Variants in LRRC37A2 observed in about 807,000 individuals in gnomAD.
The protein encoded by LRRC37A2 is leucine-rich repeat-containing protein 37A2.
Under a neutral mutation model 68.8 loss-of-function variants are expected in LRRC37A2, and 9 were observed. The observed-to-expected ratio is 0.13, with a 90% CI of 0.08 to 0.23. LRRC37A2 has a LOEUF of 0.23. Ranked by LOEUF, LRRC37A2 falls within the 10% of genes least tolerant of loss-of-function variation. LRRC37A2 has a pLI of 1.00. For synonymous variants in LRRC37A2, 63 were observed against 367.6 expected, an observed-to-expected ratio of 0.17 and a Z score of 9.48; for missense variants, 168 against 950.4, an observed-to-expected ratio of 0.18 and a Z score of 10.82.
the LRRC37A2 span, among the ~76,000 whole-genome samples, chr17:47,021,186 T>G: frequency 6.6e-6 from 1 of 152,178 alleles, no homozygotes; most frequent in South Asian, 2.1e-4. Context: ...AGCAAGAGAT[T>G]ACATGATCAA....
At chr17:46,991,724 C>T in the LRRC37A2 span, among the ~76,000 whole-genome samples, 1 of 152,250 alleles carries the variant, frequency 6.6e-6, no homozygotes, top group African/African-American at 2.4e-5. Flanking sequence ...AGATGTACTA[C>T]ACAATGTTTA....
the LRRC37A2 span, among the ~76,000 whole-genome samples, chr17:46,914,256 G>A: frequency 6.6e-6 from 1 of 152,148 alleles, no homozygotes; most frequent in Non-Finnish European, 1.5e-5. Context: ...TAGCGGGGCG[G>A]CCAGGAGGAA....
chr17:46,531,812 AT>A (rs2053670840), intron 6 of LRRC37A2, among the ~76,000 whole-genome samples: 2 of 105,260 alleles, frequency 1.9e-5, no homozygotes, highest in Non-Finnish European at 3.5e-5. Flanking sequence ...GTAATACTTC[AT>A]TAAATTCAAA....
the LRRC37A2 span, among the ~76,000 whole-genome samples, chr17:46,690,624 A>AAAAAAT: frequency 5.7e-4 from 63 of 110,914 alleles, no homozygotes; most frequent in South Asian, 1.4e-3. Flanking sequence ...AAAAAAAAAA[A>AAAAAAT]ATATATATAT....
chr17:47,022,690 G>A, the LRRC37A2 span, among the ~76,000 whole-genome samples: 35 of 152,254 alleles, frequency 2.3e-4, no homozygotes, highest in South Asian at 3.5e-3. Context: ...ATCTTACAAC[G>A]TGATTCTTTC....
At chr17:46,866,397 TGA>T in the LRRC37A2 span, among the ~76,000 whole-genome samples, 19 of 151,908 alleles carry the variant, frequency 1.3e-4, no homozygotes, top group South Asian at 3.7e-3. Context: ...TGTGTATGTG[TGA>T]GAGTGTGCAT....
At chr17:46,898,517 C>T in the LRRC37A2 span, among the ~76,000 whole-genome samples, 1 of 152,168 alleles carries the variant, frequency 6.6e-6, no homozygotes, top group Admixed American at 6.5e-5. Flanking sequence ...TGGACTGACA[C>T]TGTATGTGAG....
chr17:46,830,589 C>G, the LRRC37A2 span: 77 of 398,472 alleles, frequency 1.9e-4, no homozygotes, highest in Non-Finnish European at 3.0e-4. Flanking sequence ...CATGGCATAA[C>G]CAAAATATTT....
At chr17:46,888,607 G>C in the LRRC37A2 span, among the ~76,000 whole-genome samples, 3 of 152,108 alleles carry the variant, frequency 2.0e-5, no homozygotes, top group Admixed American at 1.3e-4. Flanking sequence ...GCCCACTAAG[G>C]GGGGTTCTTG....
At chr17:46,938,795 C>T in the LRRC37A2 span, 11 of 1,613,094 alleles carry the variant, frequency 6.8e-6, no homozygotes, top group South Asian at 2.2e-5. Context: ...AGCATTCCCA[C>T]AGCCTGCAAG....
chr17:46,528,064 C>T (rs1271584247), intron 6 of LRRC37A2, among the ~76,000 whole-genome samples: 24 of 120,422 alleles, frequency 2.0e-4, no homozygotes, highest in African/African-American at 7.3e-4. Context: ...ACCTGTAGAG[C>T]AGTGAGCTCC....
the LRRC37A2 span, among the ~76,000 whole-genome samples, chr17:46,864,668 T>A: frequency 6.6e-6 from 1 of 152,024 alleles, no homozygotes; most frequent in Admixed American, 6.5e-5. Context: ...CTTGCTGTGG[T>A]GATGGCTGAT....
At chr17:46,951,518 T>A in the LRRC37A2 span, among the ~76,000 whole-genome samples, 3 of 152,200 alleles carry the variant, frequency 2.0e-5, no homozygotes, top group African/African-American at 7.2e-5. Context: ...GCCTTTTAAC[T>A]GGCGTAGCCC....
At chr17:46,836,697 C>T in the LRRC37A2 span, among the ~76,000 whole-genome samples, 11 of 152,276 alleles carry the variant, frequency 7.2e-5, no homozygotes, top group African/African-American at 2.2e-4. Context: ...AGTGACTGGC[C>T]TTCCTGGCAA....
At chr17:46,965,796 T>C in the LRRC37A2 span, among the ~76,000 whole-genome samples, 1 of 147,444 alleles carries the variant, frequency 6.8e-6, no homozygotes, top group South Asian at 2.2e-4. Context: ...CTAATTTTTG[T>C]ATTTTTTTTT....
chr17:46,884,462 TC>T, the LRRC37A2 span, among the ~76,000 whole-genome samples: 3,896 of 152,220 alleles, frequency 0.026, 82 homozygotes, highest in African/African-American at 0.055. Context: ...TTCTCATGTT[TC>T]CCCAAGTGCT....
At chr17:46,910,885 G>A in the LRRC37A2 span, among the ~76,000 whole-genome samples, 3 of 152,202 alleles carry the variant, frequency 2.0e-5, no homozygotes, top group African/African-American at 7.2e-5. Flanking sequence ...CTCCAACTTT[G>A]GGAGGTAGAG....
chr17:47,040,231 C>T, the LRRC37A2 span, among the ~76,000 whole-genome samples: 1 of 148,850 alleles, frequency 6.7e-6, no homozygotes, highest in Non-Finnish European at 1.5e-5. Flanking sequence ...GAGGCTGAGG[C>T]CAGGAGTTCA....
At chr17:46,911,831 C>T in the LRRC37A2 span, among the ~76,000 whole-genome samples, 5 of 152,194 alleles carry the variant, frequency 3.3e-5, no homozygotes, top group South Asian at 2.1e-4. Flanking sequence ...TGCAGTAAGC[C>T]GAGATCACGC....
Sources: allele counts gnomAD v4.1 joint callset (sites outside exome capture counted in the v4.1 genomes callset), GRCh38; gene constraint gnomAD v4.1.1; transcripts MANE v1.5; gene names NCBI Gene and HGNC (gene_info 2026-07-23, HGNC 2026-07-21).